Variants in AGBL4 observed in about 807,000 individuals in gnomAD.
AGBL4 encodes cytosolic carboxypeptidase 6.
A neutral mutation model predicts 66.4 loss-of-function variants in AGBL4; 58 were observed. That is an observed-to-expected ratio of 0.87 (90% CI 0.71 to 1.09). The LOEUF (loss-of-function observed/expected upper bound fraction) is 1.09, where lower values mean the gene tolerates loss of function less well. Among genes scored for constraint, AGBL4 ranks in the 50% least tolerant of loss-of-function variants. AGBL4 has a pLI of 0.00. For synonymous variants in AGBL4, 234 were observed against 222.9 expected (o/e 1.05, Z -0.44); for missense variants, 579 against 631.0 (o/e 0.92, Z 0.88).
chr1:49,612,506 G>A (rs552353346), intron 3 of AGBL4, among the ~76,000 whole-genome samples: 3 of 152,124 alleles, frequency 2.0e-5, no homozygotes, highest in African/African-American at 7.2e-5. Context: ...ATCCAGAAAC[G>A]ATATGGAACT....
At chr1:48,979,662 A>AT (rs1324459566) in intron 5 of AGBL4, among the ~76,000 whole-genome samples, 2 of 151,756 alleles carry the variant, frequency 1.3e-5, no homozygotes, top group Non-Finnish European at 2.9e-5. Flanking sequence ...ACTTCAGTGA[A>AT]CAAATGTGCA....
intron 2 of AGBL4, among the ~76,000 whole-genome samples, chr1:49,712,777 G>C (rs1647771793): frequency 6.6e-6 from 1 of 151,874 alleles, no homozygotes; most frequent in Non-Finnish European, 1.5e-5. Context: ...TTGAATCTCA[G>C]CTCTACCACT....
At chr1:49,836,003 C>A (rs191895345) in intron 2 of AGBL4, among the ~76,000 whole-genome samples, 1 of 152,074 alleles carries the variant, frequency 6.6e-6, no homozygotes, top group Non-Finnish European at 1.5e-5. Context: ...CTCTGGCTGC[C>A]CTTAACATTT....
chr1:48,920,062 A>C (rs1653954870), intron 5 of AGBL4, among the ~76,000 whole-genome samples: 2 of 152,202 alleles, frequency 1.3e-5, no homozygotes, highest in Non-Finnish European at 2.9e-5. Context: ...GGTAAAAAAG[A>C]AGGGGCAGAC....
At chr1:48,844,466 T>C (rs984411487) in intron 6 of AGBL4, among the ~76,000 whole-genome samples, 2 of 152,264 alleles carry the variant, frequency 1.3e-5, no homozygotes, top group Admixed American at 6.5e-5. Flanking sequence ...GTGATTACTA[T>C]GTTCTTGAAA....
intron 3 of AGBL4, among the ~76,000 whole-genome samples, chr1:49,431,082 T>C (rs189661654): frequency 6.6e-6 from 1 of 152,308 alleles, no homozygotes; most frequent in Admixed American, 6.5e-5. Flanking sequence ...ATATAATAAA[T>C]AGTGCTGCTA....
chr1:48,757,879 C>G (rs1201340837), intron 6 of AGBL4, among the ~76,000 whole-genome samples: 2 of 152,182 alleles, frequency 1.3e-5, no homozygotes, highest in Admixed American at 1.3e-4. Flanking sequence ...TTATTAATTA[C>G]TGTCTTCAGG....
chr1:48,543,381 A>ACCATCCAT (rs10568742), intron 11 of AGBL4, among the ~76,000 whole-genome samples: 10 of 148,496 alleles, frequency 6.7e-5, no homozygotes, highest in East Asian at 2.0e-4. Context: ...GAAATGATTT[A>ACCATCCAT]CCATCCATCC....
intron 5 of AGBL4, among the ~76,000 whole-genome samples, chr1:49,021,671 T>C (rs1187629018): frequency 6.6e-6 from 1 of 152,168 alleles, no homozygotes; most frequent in African/African-American, 2.4e-5. Context: ...ACCTAGTCTA[T>C]GGTACTTTGT....
intron 3 of AGBL4, among the ~76,000 whole-genome samples, chr1:49,490,690 C>A (rs532731193): frequency 6.6e-6 from 1 of 151,748 alleles, no homozygotes; most frequent in South Asian, 2.1e-4. Flanking sequence ...AGGAATAATT[C>A]TGATTTGCTT....
Position 48,704,015 on chromosome 1 carries a change from C to T in AGBL4, c.635-40774G>A, listed in dbSNP as rs1646843177. ...CTAGATGGTATACACTACTATATAC[C>T]TAAGCTGTATGGTGTACCTATGGCT... On this transcript the variant is annotated intron_variant, in intron 6 of 13. Transcript: ENST00000371839. Among the ~76,000 whole-genome samples the T allele has an allele frequency of 2.0e-5, 3 of 152,324 alleles. No homozygotes were observed. The South Asian group carries it at 6.2e-4, about 32-fold the overall frequency.
At chr1:49,600,250 C>G (rs1644928691) in intron 3 of AGBL4, among the ~76,000 whole-genome samples, 1 of 152,158 alleles carries the variant, frequency 6.6e-6, no homozygotes, top group South Asian at 2.1e-4. Flanking sequence ...GTGTCTAAGT[C>G]TCTTTGTAGG....
intron 5 of AGBL4, among the ~76,000 whole-genome samples, chr1:48,895,801 G>A (rs1651449643): frequency 6.6e-6 from 1 of 152,178 alleles, no homozygotes; most frequent in South Asian, 2.1e-4. Flanking sequence ...TTTACAGTTG[G>A]GGTGTGGAGG....
intron 4 of AGBL4, among the ~76,000 whole-genome samples, chr1:49,066,592 C>T (rs552842565): frequency 2.0e-5 from 3 of 152,314 alleles, no homozygotes; most frequent in African/African-American, 7.2e-5. Context: ...AGGCCTCCAA[C>T]TTGGCTGAAG....
In AGBL4 at chr1:49,705,932, T is replaced by G. The variant is rs1647205511; in HGVS notation, c.158-8495A>C. On this transcript the variant is annotated intron_variant, in intron 2 of 13. Coordinates refer to ENST00000371839, the MANE Select transcript of AGBL4 (RefSeq NM_032785.4). ...GCAGATAGGCTTTTCAATGTGCTGC[T>G]GGATTCAGTTTGCCAGTATTTTATT... is the stretch of plus-strand genomic sequence containing the variant. Among the ~76,000 whole-genome samples the G allele has an allele frequency of 2.0e-5, 3 of 152,224 alleles. No individual in the cohort carries two copies. In the South Asian group the frequency reaches 6.2e-4, roughly 32 times the overall value.
intron 4 of AGBL4, among the ~76,000 whole-genome samples, chr1:49,144,962 C>T (rs964980142): frequency 1.3e-5 from 2 of 152,026 alleles, no homozygotes; most frequent in African/African-American, 4.8e-5. Flanking sequence ...AATGGCAGAA[C>T]AGAAGATGTG....
At chr1:49,470,762 T>C (rs1041607209) in intron 3 of AGBL4, among the ~76,000 whole-genome samples, 3 of 152,050 alleles carry the variant, frequency 2.0e-5, no homozygotes, top group South Asian at 4.1e-4. Flanking sequence ...TTAATTTGCA[T>C]ACAATTGAAG....
chr1:48,977,333 A>G (rs570442456), intron 5 of AGBL4, among the ~76,000 whole-genome samples: 80 of 152,318 alleles, frequency 5.3e-4, no homozygotes, highest in Non-Finnish European at 6.6e-4. Flanking sequence ...TCCAAGAAGC[A>G]GTTGGCCTCA....
At chr1:48,698,749 G>T (rs184300887) in intron 6 of AGBL4, among the ~76,000 whole-genome samples, 1 of 152,334 alleles carries the variant, frequency 6.6e-6, no homozygotes, top group East Asian at 1.9e-4. Flanking sequence ...GGACAGGTAC[G>T]TTACATGTAC....
Sources: allele counts gnomAD v4.1 joint callset (sites outside exome capture counted in the v4.1 genomes callset), GRCh38; gene constraint gnomAD v4.1.1; transcripts MANE v1.5; gene names NCBI Gene and HGNC (gene_info 2026-07-23, HGNC 2026-07-21).